Variants in SLC16A2 observed in about 807,000 individuals in gnomAD.
SLC16A2 encodes the protein solute carrier family 16 member 2, also known as monocarboxylate transporter 8.
SLC16A2 carries 3 observed loss-of-function variants against 27.2 expected under a neutral mutation model. That is an observed-to-expected ratio of 0.11 (90% CI 0.05 to 0.28). SLC16A2 has a LOEUF of 0.28. Ranked by LOEUF, SLC16A2 falls within the 10% of genes least tolerant of loss-of-function variation. The probability of loss-of-function intolerance (pLI) is 1.00; values close to 1 mark genes in which losing one functional copy is unlikely to be tolerated. For synonymous variants in SLC16A2, 202 were observed against 187.8 expected, an observed-to-expected ratio of 1.08 and a Z score of -0.62; for missense variants, 295 against 458.5, an observed-to-expected ratio of 0.64 and a Z score of 3.26.
chrX:74,453,267 T>C (rs1448228376), intron 1 of SLC16A2, among the ~76,000 whole-genome samples: 3 of 110,803 alleles, frequency 2.7e-5, no homozygotes, highest in Non-Finnish European at 5.7e-5. Flanking sequence ...ATTCCTGACC[T>C]CAAGTGATCC....
At chrX:74,506,661 A>G (rs1456617959) in intron 1 of SLC16A2, among the ~76,000 whole-genome samples, 1 of 110,907 alleles carries the variant, frequency 9.0e-6, no homozygotes, top group Non-Finnish European at 1.9e-5. Flanking sequence ...CAGAAGGGAG[A>G]TCTCAGGGAC....
chrX:74,493,782 G>A (rs182273936), intron 1 of SLC16A2, among the ~76,000 whole-genome samples: 1 of 111,571 alleles, frequency 9.0e-6, no homozygotes. Context: ...GCAGGTGCGT[G>A]CATTCCCTCT....
intron 5 of SLC16A2, among the ~76,000 whole-genome samples, chrX:74,531,054 G>T (rs551885899): frequency 5.3e-5 from 6 of 112,267 alleles, no homozygotes; most frequent in African/African-American, 1.9e-4. Context: ...TTTAAACTAG[G>T]TTTCCTCCTA....
intron 1 of SLC16A2, among the ~76,000 whole-genome samples, chrX:74,439,472 G>A (rs1054482217): frequency 2.3e-4 from 21 of 89,642 alleles, no homozygotes; most frequent in African/African-American, 8.3e-4. Flanking sequence ...CACCAGGCCC[G>A]GCTAATTTTT....
intron 1 of SLC16A2, among the ~76,000 whole-genome samples, chrX:74,508,388 T>C (rs1214998299): frequency 1.8e-5 from 2 of 112,176 alleles, no homozygotes; most frequent in Non-Finnish European, 3.8e-5. Flanking sequence ...CTTTTTGTAA[T>C]TTTCAATATA....
chrX:74,429,988 C>T (rs776139458), intron 1 of SLC16A2, among the ~76,000 whole-genome samples: 1 of 112,240 alleles, frequency 8.9e-6, no homozygotes, highest in African/African-American at 3.2e-5. Flanking sequence ...TGCTCTGCTG[C>T]ATTCCACGGT....
chrX:74,500,322 G>A (rs1201027463), intron 1 of SLC16A2, among the ~76,000 whole-genome samples: 4 of 111,470 alleles, frequency 3.6e-5, no homozygotes, highest in Non-Finnish European at 7.5e-5. Context: ...GAACCAGAAA[G>A]CTGGAAACTC....
At chrX:74,422,643 AAGGG>A (rs1333636529) in intron 1 of SLC16A2, among the ~76,000 whole-genome samples, 1 of 111,553 alleles carries the variant, frequency 9.0e-6, no homozygotes, top group Non-Finnish European at 1.9e-5. Flanking sequence ...GCAAGAGAGA[AAGGG>A]AGGGAGGGAG....
intron 1 of SLC16A2, among the ~76,000 whole-genome samples, chrX:74,441,885 C>A (rs1035832235): frequency 9.0e-6 from 1 of 111,130 alleles, no homozygotes; most frequent in Non-Finnish European, 1.9e-5. Flanking sequence ...GGTTCTGGGG[C>A]AGGGGAAATG....
chrX:74,519,715 C>CAA (rs779967639), intron 1 of SLC16A2, among the ~76,000 whole-genome samples: 794 of 24,845 alleles, frequency 0.032, 30 homozygotes, highest in African/African-American at 0.084. Flanking sequence ...GACTGTGTCT[C>CAA]AAAAAAAAAA....
At chrX:74,520,056 A>G (rs1207632444) in intron 1 of SLC16A2, among the ~76,000 whole-genome samples, 6 of 112,212 alleles carry the variant, frequency 5.3e-5, no homozygotes, top group Non-Finnish European at 1.1e-4. Flanking sequence ...CCAGTTGACT[A>G]GCCCCAGACT....
At chrX:74,440,358 G>T (rs1388168046) in intron 1 of SLC16A2, among the ~76,000 whole-genome samples, 3 of 110,763 alleles carry the variant, frequency 2.7e-5, no homozygotes, top group Non-Finnish European at 1.9e-5. Context: ...CAAACTATAA[G>T]GGCTCCTCAC....
chrX:74,532,870 T>C lies in SLC16A2; in HGVS notation c.*1317T>C, dbSNP rs1292232427. 8.9e-6 allele frequency: 1 copy of C among 112,167 alleles called. No individual in the cohort carries two copies. Among genetic ancestry groups the C allele is most frequent in the African/African-American group, 3.3e-5 (1 of 30,734 alleles). 9.2% of individuals were successfully genotyped at this position (112,167 alleles called of 1,213,427 possible). On this transcript the variant is annotated 3_prime_UTR_variant, in exon 6 of 6. Coordinates refer to ENST00000587091, the MANE Select transcript of SLC16A2 (RefSeq NM_006517.5). ...AGACTCTGAACCACTTTGATCCCTCTGAAGTAGGTGACTGATGCCTCCTTA... is the reference window on the plus strand; with the variant it reads ...AGACTCTGAACCACTTTGATCCCTCCGAAGTAGGTGACTGATGCCTCCTTA...
intron 1 of SLC16A2, among the ~76,000 whole-genome samples, chrX:74,462,121 C>T (rs1929159861): frequency 8.9e-6 from 1 of 111,995 alleles, no homozygotes; most frequent in African/African-American, 3.2e-5. Context: ...TGAAGAGAGT[C>T]CTGAGATGCC....
At chrX:74,491,518 A>G (rs1414833357) in intron 1 of SLC16A2, among the ~76,000 whole-genome samples, 1 of 112,024 alleles carries the variant, frequency 8.9e-6, no homozygotes, top group Non-Finnish European at 1.9e-5. Context: ...GTTTCTTATC[A>G]GACTTAAAGT....
intron 1 of SLC16A2, among the ~76,000 whole-genome samples, chrX:74,485,471 A>G (rs142643946): frequency 1.2e-3 from 135 of 110,269 alleles, no homozygotes; most frequent in African/African-American, 4.3e-3. Flanking sequence ...GTCACAAGGT[A>G]TCTTTATTCT....
intron 1 of SLC16A2, among the ~76,000 whole-genome samples, chrX:74,472,584 C>T (rs187974452): frequency 4.7e-3 from 526 of 111,420 alleles, no homozygotes; most frequent in Non-Finnish European, 7.2e-3. Context: ...AAGTACCACA[C>T]GGTTTTTATT....
chrX:74,513,919 A>G (rs1165093511), intron 1 of SLC16A2, among the ~76,000 whole-genome samples: 2 of 112,308 alleles, frequency 1.8e-5, no homozygotes, highest in African/African-American at 3.2e-5. Context: ...TTGAATGCCT[A>G]TGGGATAGAC....
intron 1 of SLC16A2, among the ~76,000 whole-genome samples, chrX:74,439,186 T>TTCTTTCTTTC (rs1555981279): frequency 7.8e-5 from 4 of 51,476 alleles, no homozygotes; most frequent in East Asian, 6.8e-3. Flanking sequence ...CTTTCTTTCT[T>TTCTTTCTTTC]TTTCTTTCTT....
Sources: gnomAD v4.1 joint callset for allele counts (sites outside exome capture counted in the v4.1 genomes callset) on GRCh38, gnomAD v4.1.1 for gene constraint, MANE v1.5 for transcripts, NCBI Gene and HGNC (gene_info 2026-07-23, HGNC 2026-07-21) for gene names.